The following GNAL variants were observed in gnomAD, a reference collection of about 807,000 sequenced individuals.
GNAL encodes G protein subunit alpha L.
Under a neutral mutation model 55.1 loss-of-function variants are expected in GNAL, and 18 were observed. That is an observed-to-expected ratio of 0.33 (90% CI 0.23 to 0.48). The LOEUF (loss-of-function observed/expected upper bound fraction) is 0.48. Ranked by LOEUF, GNAL falls within the 20% of genes least tolerant of loss-of-function variation. GNAL has a pLI of 0.99. For missense variants in GNAL, 412 were observed against 614.1 expected, an observed-to-expected ratio of 0.67 and a Z score of 3.48; for synonymous variants, 253 against 237.0, an observed-to-expected ratio of 1.07 and a Z score of -0.62.
chr18:11,704,220 G>A (rs541429503), intron 1 of GNAL, among the ~76,000 whole-genome samples: 3 of 152,280 alleles, frequency 2.0e-5, no homozygotes, highest in Non-Finnish European at 2.9e-5. Flanking sequence ...CCCTAGACCC[G>A]TGGGTCATAC....
At chr18:11,867,035 C>T in intron 7 of GNAL, 133 bp from the exon 8 acceptor site, 1 of 718,244 alleles carries the variant, frequency 1.4e-6, no homozygotes, top group South Asian at 1.5e-5. Context: ...ATGGTGCAGG[C>T]CAGTGACCCG....
At chr18:11,817,735 C>T (rs1044706336) in intron 4 of GNAL, among the ~76,000 whole-genome samples, 5 of 151,230 alleles carry the variant, frequency 3.3e-5, no homozygotes, top group African/African-American at 9.8e-5. Flanking sequence ...ATTGCAGGTG[C>T]GTGCCACAAC....
intron 10 of GNAL, among the ~76,000 whole-genome samples, chr18:11,874,838 C>A (rs1203968360): frequency 7.2e-6 from 1 of 138,348 alleles, no homozygotes; most frequent in Non-Finnish European, 1.5e-5. Context: ...CACCCACCCA[C>A]CCCCCACAGC....
intron 4 of GNAL, among the ~76,000 whole-genome samples, chr18:11,755,679 A>C (rs1266798146): frequency 6.6e-6 from 1 of 152,186 alleles, no homozygotes; most frequent in Non-Finnish European, 1.5e-5. Context: ...AATTTCTAAA[A>C]TGGAGGAGTG....
intron 5 of GNAL, 32 bp downstream of exon 5, chr18:11,825,047 C>A: frequency 2.6e-6 from 3 of 1,150,876 alleles, no homozygotes; most frequent in Non-Finnish European, 3.9e-6. Flanking sequence ...TTACAGGGCC[C>A]TTTGAAGAAT....
At chr18:11,848,711 C>G (rs567004786) in intron 5 of GNAL, among the ~76,000 whole-genome samples, 101 of 152,156 alleles carry the variant, frequency 6.6e-4, no homozygotes, top group Admixed American at 1.1e-3. Context: ...CCCACCTCAG[C>G]CCCCCAAAGT....
chr18:11,716,419 G>A (rs999206577), intron 1 of GNAL, among the ~76,000 whole-genome samples: 2 of 152,202 alleles, frequency 1.3e-5, no homozygotes, highest in Non-Finnish European at 2.9e-5. Context: ...GACCCAAAGA[G>A]TGAGCAGCAG....
At chr18:11,749,531 G>A (rs1172907160) in intron 1 of GNAL, among the ~76,000 whole-genome samples, 9 of 151,958 alleles carry the variant, frequency 5.9e-5, no homozygotes, top group Non-Finnish European at 1.2e-4. Flanking sequence ...AATATTCCCA[G>A]CGCATCTCCT....
rs1407574557 is a variant in GNAL at position 11,881,479 on chromosome 18, TC to T, written c.*346del. ...GGAGAAAACACAGTTGGTTTTTTTTTCCACGTTATCAACCGTGACTGCAAGA... is the reference window on the plus strand; with the variant it reads ...GGAGAAAACACAGTTGGTTTTTTTTTCACGTTATCAACCGTGACTGCAAGA... On this transcript the variant is annotated 3_prime_UTR_variant, in exon 12 of 12. Transcript: ENST00000334049. The surrounding 1 kb of genome is among the most constrained non-coding windows in gnomAD (Gnocchi z 4.8). 5.0e-6 allele frequency: 1 copy of T among 200,988 alleles called. No homozygotes were observed. The highest frequency in any genetic ancestry group is 1.0e-5 in the Non-Finnish European group (1 of 98,376). 12.5% of individuals were successfully genotyped at this position (200,988 alleles called of 1,614,324 possible).
Position 11,884,098 on chromosome 18 carries a change from A to G in GNAL, c.*2963A>G, listed in dbSNP as rs563152938. On this transcript the variant is annotated 3_prime_UTR_variant, in exon 12 of 12. Transcript: ENST00000334049. ...TTTATTTATGTATACACATAATCCC[A>G]AGTGTGTGCTGGGGCCACCAGGCCC... The G allele has an allele frequency of 4.4e-6, 1 of 229,356 alleles. No individual in the cohort carries two copies. Among genetic ancestry groups the G allele is most frequent in the Non-Finnish European group, 8.8e-6 (1 of 114,100 alleles). 14.2% of individuals were successfully genotyped at this position (229,356 alleles called of 1,614,324 possible).
In GNAL at chr18:11,754,992, GTGTGTA is replaced by G. The variant is rs1433272745; in HGVS notation, c.624+1053_624+1058del. 4.1e-5 allele frequency among the ~76,000 whole-genome samples: 3 copies of G among 73,648 alleles called. No homozygotes were observed. The East Asian group carries it at 1.3e-3, about 32-fold the overall frequency. The allele number at this position is 73,648 out of a possible 152,430, so 48.3% of individuals were successfully genotyped here. On this transcript the variant is annotated intron_variant, in intron 4 of 11. Transcript: ENST00000334049. ...TTTTGTTACAGTGCACCAGAAGTGA[GTGTGTA>G]TGTGTGTGTGTGTGTGTGTGTGTGT...
intron 4 of GNAL, among the ~76,000 whole-genome samples, chr18:11,768,977 ATT>A (rs1228024956): frequency 2.7e-5 from 3 of 111,506 alleles, no homozygotes; most frequent in East Asian, 2.1e-4. Context: ...TATTATATAT[ATT>A]ATATATTCTA....
chr18:11,803,497 T>C (rs1172375911), intron 4 of GNAL, among the ~76,000 whole-genome samples: 1 of 152,236 alleles, frequency 6.6e-6, no homozygotes, highest in Non-Finnish European at 1.5e-5. Context: ...TAGCATTGGG[T>C]TGCTTGGGGT....
At chr18:11,777,422 G>A (rs886082084) in intron 4 of GNAL, among the ~76,000 whole-genome samples, 4 of 152,176 alleles carry the variant, frequency 2.6e-5, no homozygotes, top group Admixed American at 6.5e-5. Flanking sequence ...CAGATGACTC[G>A]TTAAGCTTTA....
intron 4 of GNAL, among the ~76,000 whole-genome samples, chr18:11,787,853 G>C (rs1041643173): frequency 4.1e-5 from 6 of 146,822 alleles, no homozygotes; most frequent in Non-Finnish European, 5.9e-5. Flanking sequence ...CAGCCTGGGA[G>C]ACAGAGCCAG....
At chr18:11,735,294 A>G (rs1039129042) in intron 1 of GNAL, among the ~76,000 whole-genome samples, 4 of 151,504 alleles carry the variant, frequency 2.6e-5, no homozygotes, top group African/African-American at 9.7e-5. Flanking sequence ...CAAGTGATCC[A>G]CCCGCCTTGC....
chr18:11,881,105 G>C lies in GNAL; in HGVS notation c.1347G>C (p.Arg449=). The change falls in exon 12 of 12, where the codon CGG becomes CGC. Residue 449 remains arginine, a synonymous_variant. Transcript: ENST00000334049. The surrounding 1 kb of genome is among the most constrained non-coding windows in gnomAD (Gnocchi z 4.8). Reference sequence around the variant, plus strand: ...ACGACTGCCGCGACATCATCCAGCGGATGCACCTCAAGCAGTATGAGCTCT... The same window carrying C: ...ACGACTGCCGCGACATCATCCAGCGCATGCACCTCAAGCAGTATGAGCTCT... The part of the protein sequence containing the change: ...VFNDCRDIIQ[R]MHLKQYELL The C allele has an allele frequency of 6.2e-7, 1 of 1,612,298 alleles. No individual in the cohort carries two copies. Among genetic ancestry groups the C allele is most frequent in the Admixed American group, 1.7e-5 (1 of 59,760 alleles).
At position 11,751,744 on chromosome 18, in the gene GNAL, G is replaced by C. The variant is rs1192671660; in HGVS notation, c.377-1109G>C. On this transcript the variant is annotated intron_variant, in intron 1 of 11. Transcript: ENST00000334049. The surrounding 1 kb of genome is among the most constrained non-coding windows in gnomAD (Gnocchi z 4.5). ...GCCGGCCGGGCTCCGTGGGGGGTCA[G>C]CTCCCTGACCCCTACAGCGCGGTAG... 2.2e-5 allele frequency: 17 copies of C among 775,364 alleles called. No homozygotes were observed. Among genetic ancestry groups the C allele is most frequent in the Non-Finnish European group, 1.9e-5 (12 of 637,902 alleles). The allele number at this position is 775,364 out of a possible 1,614,324, so 48.0% of individuals were successfully genotyped here.
intron 4 of GNAL, among the ~76,000 whole-genome samples, chr18:11,789,229 CCTTAG>C (rs1328888231): frequency 6.6e-6 from 1 of 152,110 alleles, no homozygotes; most frequent in Non-Finnish European, 1.5e-5. Context: ...CTTGCCAAGA[CCTTAG>C]CTAGCCTCAG....
Sources: allele counts gnomAD v4.1 joint callset (sites outside exome capture counted in the v4.1 genomes callset), GRCh38; gene constraint gnomAD v4.1.1; non-coding constraint Gnocchi (gnomAD v3.1); transcripts MANE v1.5; gene names NCBI Gene and HGNC (gene_info 2026-07-23, HGNC 2026-07-21).